LMF1: variants seen among roughly 807,000 people sequenced by gnomAD.
LMF1 encodes lipase maturation factor 1.
Under a neutral mutation model 60.6 loss-of-function variants are expected in LMF1, and 68 were observed. The ratio of observed to expected loss-of-function variants is 1.12; its 90% CI spans 0.92 to 1.37. The LOEUF is 1.37. Ranked by LOEUF, LMF1 falls within the 40% of genes most tolerant of loss-of-function variation. LMF1 has a pLI of 0.00. For synonymous variants in LMF1, 418 were observed against 324.7 expected (o/e 1.29, Z -3.09); for missense variants, 948 against 767.2 (o/e 1.24, Z -2.78).
At chr16:856,345 T>C (rs1348061515) in intron 10 of LMF1, among the ~76,000 whole-genome samples, 1 of 152,158 alleles carries the variant, frequency 6.6e-6, no homozygotes, top group Non-Finnish European at 1.5e-5. Context: ...TCTGAGCAGC[T>C]CAGCAGCAGA....
chr16:870,635 G>C (rs529227106), intron 8 of LMF1, 94 bp downstream of exon 8: 5 of 1,433,260 alleles, frequency 3.5e-6, no homozygotes, highest in South Asian at 2.3e-5. Flanking sequence ...TGGGGTCATG[G>C]GGGCCTGCAC....
intron 1 of LMF1, chr16:977,218 C>A: frequency 2.5e-6 from 1 of 406,862 alleles, no homozygotes; most frequent in Non-Finnish European, 4.9e-6. Context: ...CCAGCCTTGA[C>A]CCAAACCGGA....
intron 2 of LMF1, among the ~76,000 whole-genome samples, chr16:954,059 A>ACCCACCC (rs1567312799): frequency 1.9e-4 from 27 of 140,806 alleles, no homozygotes; most frequent in Admixed American, 2.8e-4. Context: ...CCACACAGAC[A>ACCCACCC]CAGACCCACT....
At chr16:971,096 C>CCCGGGAGGCCCCGCTCACAGT (rs2073043219), upstream of LMF1, 84 of 1,084,650 alleles carry the variant, frequency 7.7e-5, no homozygotes, top group East Asian at 2.6e-3. Context: ...CCACCCACAC[C>CCCGGGAGGCCCCGCTCACAGT]CCGGGAGGCC....
chr16:970,378 C>T (rs966487473), intron 1 of LMF1, among the ~76,000 whole-genome samples: 1 of 152,184 alleles, frequency 6.6e-6, no homozygotes, highest in Non-Finnish European at 1.5e-5. Context: ...GGCCGCCCCC[C>T]GCCCCGCAGC....
At position 874,647 on chromosome 16, in the gene LMF1, A is replaced by C. The variant is rs1186183493; in HGVS notation, c.898-3306T>G. Among the ~76,000 whole-genome samples, 1 of 152,122 alleles carries C rather than the reference A, an allele frequency of 6.6e-6. No homozygotes were observed. Among genetic ancestry groups the C allele is most frequent in the Non-Finnish European group, 1.5e-5 (1 of 68,008 alleles). ...GAGGCTGCTCATGCCGCAACTCCCC[A>C]ACGGAAGGATCACGGGAACCAGGAC... On this transcript the variant is annotated intron_variant, in intron 6 of 10. Coordinates refer to ENST00000262301, the MANE Select transcript of LMF1 (RefSeq NM_022773.4). This position sits in a 1 kb window ranked among gnomAD's most constrained non-coding sequence, Gnocchi z 4.1.
At chr16:918,030 G>A (rs539757092) in intron 3 of LMF1, among the ~76,000 whole-genome samples, 3 of 152,366 alleles carry the variant, frequency 2.0e-5, no homozygotes, top group South Asian at 2.1e-4. Flanking sequence ...GCGTCGGGAC[G>A]TGGCGCGGGG....
intron 10 of LMF1, among the ~76,000 whole-genome samples, chr16:860,521 A>G (rs1350742010): frequency 6.6e-6 from 1 of 151,838 alleles, no homozygotes; most frequent in Non-Finnish European, 1.5e-5. Flanking sequence ...TTGTGTTTTT[A>G]GTAGAGACGG....
At chr16:981,339 AGAGAGAGAGTGTGT>A (rs778838435), upstream of LMF1, 425 of 306,438 alleles carry the variant, frequency 1.4e-3, 2 homozygotes, top group East Asian at 3.7e-3. Context: ...AGAGAGAGAG[AGAGAGAGAGTGTGT>A]GTGTGTGTGT....
intron 2 of LMF1, among the ~76,000 whole-genome samples, chr16:950,754 A>G (rs1597059367): frequency 1.1e-5 from 1 of 90,370 alleles, no homozygotes; most frequent in Non-Finnish European, 2.0e-5. Flanking sequence ...ACAGAGTCAG[A>G]GCCAACGACA....
intron 3 of LMF1, among the ~76,000 whole-genome samples, chr16:911,559 A>T (rs1203682914): frequency 1.5e-5 from 1 of 68,624 alleles, no homozygotes; most frequent in African/African-American, 6.8e-5. Context: ...GGGGGGCAGC[A>T]CTTGGGGGAG....
At chr16:954,193 G>T (rs1321505415) in intron 2 of LMF1, 164 bp downstream of exon 2, 7 of 763,554 alleles carry the variant, frequency 9.2e-6, no homozygotes, top group Non-Finnish European at 1.6e-5. Context: ...TGCTGTGGCT[G>T]GTGCACTGGC....
chr16:931,971 G>A (rs1294819334), intron 3 of LMF1, among the ~76,000 whole-genome samples: 1 of 152,246 alleles, frequency 6.6e-6, no homozygotes, highest in Non-Finnish European at 1.5e-5. Flanking sequence ...AAACGCAGAA[G>A]ACTGACTTCC....
In LMF1 at chr16:879,778, C is replaced by T. The variant is rs928592013; in HGVS notation, c.730-41G>A. On this transcript the variant is annotated intron_variant, in intron 5 of 10. Transcript: ENST00000262301. ...GGGCCGTGAGGTGCCTGGCCGATCT[C>T]GGGGGGCGGGGCTAGGGAGAGGCTT... 2.2e-5 allele frequency: 34 copies of T among 1,539,120 alleles called. No individual in the cohort carries two copies. In the African/African-American group the frequency reaches 3.2e-4, roughly 14 times the overall value.
intron 10 of LMF1, among the ~76,000 whole-genome samples, chr16:861,707 A>G (rs1295210940): frequency 1.3e-5 from 2 of 152,180 alleles, no homozygotes; most frequent in Non-Finnish European, 2.9e-5. Context: ...GATTTCCTAC[A>G]AAGACAACGG....
intron 5 of LMF1, among the ~76,000 whole-genome samples, chr16:889,727 G>A (rs895555444): frequency 6.6e-6 from 1 of 152,200 alleles, no homozygotes; most frequent in African/African-American, 2.4e-5. Context: ...TTGCAGGCAG[G>A]GGCCTGCCAC....
chr16:921,803 G>A (rs1162775697), intron 3 of LMF1, among the ~76,000 whole-genome samples: 7 of 152,144 alleles, frequency 4.6e-5, no homozygotes, highest in Non-Finnish European at 1.0e-4. Context: ...CAGAACCTAC[G>A]GCATCCAGGC....
upstream of LMF1, among the ~76,000 whole-genome samples, chr16:974,337 C>G (rs545570335): frequency 6.6e-6 from 1 of 152,274 alleles, no homozygotes; most frequent in East Asian, 1.9e-4. Flanking sequence ...GTGGGCCCTG[C>G]CCTGAGCGCC....
intron 8 of LMF1, among the ~76,000 whole-genome samples, chr16:870,347 A>G (rs2069745708): frequency 6.6e-6 from 1 of 152,232 alleles, no homozygotes; most frequent in Non-Finnish European, 1.5e-5. Context: ...CAGGGTGGAC[A>G]TGAGGGGGAC....
Sources: allele counts gnomAD v4.1 joint callset (sites outside exome capture counted in the v4.1 genomes callset), GRCh38; gene constraint gnomAD v4.1.1; non-coding constraint Gnocchi (gnomAD v3.1); transcripts MANE v1.5; gene names NCBI Gene and HGNC (gene_info 2026-07-23, HGNC 2026-07-21).